CFAP47: variants seen among roughly 807,000 people sequenced by gnomAD.
CFAP47 encodes the protein cilia- and flagella-associated protein 47.
A neutral mutation model predicts 148.1 loss-of-function variants in CFAP47; 29 were observed. The observed-to-expected ratio is 0.20, with a 90% CI of 0.15 to 0.27. The LOEUF (loss-of-function observed/expected upper bound fraction) is 0.27. Ranked by LOEUF, CFAP47 falls within the 10% of genes least tolerant of loss-of-function variation. CFAP47 has a pLI of 1.00. For synonymous variants in CFAP47, 664 were observed against 577.3 expected (o/e 1.15, Z -2.15); for missense variants, 1,872 against 1,697.5 (o/e 1.10, Z -1.81).
chrX:35,993,556 G>A (rs751174787), intron 18 of CFAP47, among the ~76,000 whole-genome samples: 20 of 112,099 alleles, frequency 1.8e-4, no homozygotes, highest in Non-Finnish European at 3.6e-4. Flanking sequence ...CTTTAAAGAA[G>A]TAGAGTTTTT....
At chrX:36,211,290 A>AT (rs1322814654) in intron 45 of CFAP47, 1 of 254,186 alleles carries the variant, frequency 3.9e-6, no homozygotes, top group Admixed American at 4.2e-5. Context: ...AGAAAGGAAA[A>AT]TTTGAAGACA....
At chrX:36,199,325 A>T (rs2146881180) in intron 42 of CFAP47, among the ~76,000 whole-genome samples, 1 of 112,364 alleles carries the variant, frequency 8.9e-6, no homozygotes, top group East Asian at 2.8e-4. Flanking sequence ...GAAGCCTAGT[A>T]GCTAAGAAAT....
At chrX:36,360,510 C>G (rs1308635975) in intron 60 of CFAP47, among the ~76,000 whole-genome samples, 1 of 111,551 alleles carries the variant, frequency 9.0e-6, no homozygotes, top group Non-Finnish European at 1.9e-5. Flanking sequence ...AACTCCTGGG[C>G]TAAGGGGATG....
intron 8 of CFAP47, among the ~76,000 whole-genome samples, chrX:35,962,336 T>A (rs1352358741): frequency 1.8e-5 from 2 of 111,377 alleles, no homozygotes; most frequent in African/African-American, 6.5e-5. Flanking sequence ...ATATTTTGGG[T>A]CTAATTGGCT....
chrX:36,152,487 C>T (rs761964884), intron 37 of CFAP47, among the ~76,000 whole-genome samples: 2 of 111,500 alleles, frequency 1.8e-5, no homozygotes, highest in South Asian at 7.6e-4. Context: ...TTTCCCTTTC[C>T]AAGGGATTCA....
intron 7 of CFAP47, among the ~76,000 whole-genome samples, chrX:35,954,083 C>T (rs1936208487): frequency 9.0e-6 from 1 of 111,124 alleles, no homozygotes; most frequent in East Asian, 2.8e-4. Flanking sequence ...CTCTACTAAT[C>T]CTTCAGCTCT....
chrX:36,104,513 C>T lies in CFAP47; in HGVS notation c.5142C>T (p.Ser1714=), dbSNP rs763338379. The change falls in exon 33 of 64, where the codon TCC becomes TCT. Residue 1714 remains serine, a synonymous_variant. Coordinates refer to ENST00000378653, the MANE Select transcript of CFAP47 (RefSeq NM_001304548.2). The part of the protein sequence containing the change: ...FLQIYKVLVL[S]RVVPYCSNNM... ...CCCAATTTCAGGTTTTGGTTCTATCCCGTGTAGTGCCATACTGCAGCAATA... is the reference window on the plus strand; with the variant it reads ...CCCAATTTCAGGTTTTGGTTCTATCTCGTGTAGTGCCATACTGCAGCAATA... The T allele has an allele frequency of 1.4e-5, 12 of 880,260 alleles. No individual in the cohort carries two copies. In the East Asian group the frequency reaches 4.3e-4, roughly 32 times the overall value. The allele number at this position is 880,260 out of a possible 1,213,427, so 72.5% of individuals were successfully genotyped here. A position where few individuals can be genotyped will look rare whatever the true frequency, so the allele number is the denominator to read the frequency against.
intron 62 of CFAP47, among the ~76,000 whole-genome samples, chrX:36,368,568 A>T (rs1941900280): frequency 9.0e-6 from 1 of 111,466 alleles, no homozygotes; most frequent in East Asian, 2.8e-4. Flanking sequence ...GGACTATATG[A>T]CCTGGAATTT....
chrX:36,025,815 C>A (rs1049678667), intron 22 of CFAP47, among the ~76,000 whole-genome samples: 1 of 111,298 alleles, frequency 9.0e-6, no homozygotes, highest in African/African-American at 3.3e-5. Context: ...TTGTATTTGT[C>A]TGGTACATTT....
At chrX:36,003,812 T>C (rs1046313931) in intron 21 of CFAP47, among the ~76,000 whole-genome samples, 1 of 109,464 alleles carries the variant, frequency 9.1e-6, no homozygotes, top group Non-Finnish European at 1.9e-5. Context: ...GGCATCTAAA[T>C]AGGAAGTCAA....
intron 1 of CFAP47, 71 bp downstream of exon 1, chrX:35,920,119 C>T (rs1935555072): frequency 9.3e-7 from 1 of 1,078,369 alleles, no homozygotes; most frequent in Non-Finnish European, 1.2e-6. Context: ...TCTCTTTGCC[C>T]CAGGGAGTAG....
chrX:36,323,795 C>A (rs1941496221), intron 57 of CFAP47, among the ~76,000 whole-genome samples: 1 of 111,293 alleles, frequency 9.0e-6, no homozygotes, highest in African/African-American at 3.3e-5. Flanking sequence ...AAAATTAGAT[C>A]TAGATGTAGT....
At chrX:36,028,231 T>A (rs910246551) in intron 22 of CFAP47, among the ~76,000 whole-genome samples, 4 of 111,371 alleles carry the variant, frequency 3.6e-5, no homozygotes, top group Non-Finnish European at 7.6e-5. Flanking sequence ...TTTGCCTGGG[T>A]CCATGTCTGG....
At chrX:36,105,375 A>G (rs1938449137) in intron 33 of CFAP47, among the ~76,000 whole-genome samples, 1 of 111,853 alleles carries the variant, frequency 8.9e-6, no homozygotes. Context: ...TCTTCCAAGT[A>G]CATACAAACC....
At chrX:35,975,446 AT>A (rs1437218417) in intron 14 of CFAP47, 83 bp downstream of exon 14, 5 of 664,539 alleles carry the variant, frequency 7.5e-6, no homozygotes, top group Non-Finnish European at 1.1e-5. Flanking sequence ...GAATAATTGT[AT>A]TGTATATTAT....
chrX:36,032,383 A>G (rs1199315827), intron 23 of CFAP47, among the ~76,000 whole-genome samples: 1 of 110,623 alleles, frequency 9.0e-6, no homozygotes, highest in East Asian at 2.8e-4. Context: ...TATAAGATAT[A>G]TGGTACAGAG....
At chrX:36,218,196 C>A (rs937470903) in intron 45 of CFAP47, among the ~76,000 whole-genome samples, 7 of 112,432 alleles carry the variant, frequency 6.2e-5, no homozygotes, top group South Asian at 3.6e-4. Flanking sequence ...AATGAAAATG[C>A]AAAATACAAA....
At chrX:36,084,220 A>G (rs1226949483) in intron 29 of CFAP47, among the ~76,000 whole-genome samples, 4 of 111,291 alleles carry the variant, frequency 3.6e-5, no homozygotes, top group African/African-American at 1.3e-4. Flanking sequence ...TCTTACAACT[A>G]TAATACCTGG....
chrX:36,223,041 G>A (rs1555990979), intron 45 of CFAP47, among the ~76,000 whole-genome samples: 1 of 110,213 alleles, frequency 9.1e-6, no homozygotes, highest in East Asian at 2.8e-4. Context: ...GTTGAAAAGT[G>A]TATAGTACCT....
Sources: gnomAD v4.1 joint callset for allele counts (sites outside exome capture counted in the v4.1 genomes callset) on GRCh38, gnomAD v4.1.1 for gene constraint, MANE v1.5 for transcripts, NCBI Gene and HGNC (gene_info 2026-07-23, HGNC 2026-07-21) for gene names.